The following NLGN1 variants were observed in gnomAD, a reference collection of about 807,000 sequenced individuals.
NLGN1 encodes neuroligin-1.
In NLGN1, 12 loss-of-function variants were observed where a neutral mutation model predicts 65.5. That is an observed-to-expected ratio of 0.18 (90% CI 0.12 to 0.30). NLGN1 has a LOEUF of 0.30. NLGN1 is among the 10% of genes least tolerant of loss of function. The probability of loss-of-function intolerance (pLI) is 1.00; values close to 1 mark genes in which losing one functional copy is unlikely to be tolerated. For missense variants in NLGN1, 750 were observed against 1,007.1 expected (o/e 0.74, Z 3.46); for synonymous variants, 350 against 359.5 (o/e 0.97, Z 0.30).
intron 2 of NLGN1, among the ~76,000 whole-genome samples, chr3:173,527,333 A>G (rs1735814161): frequency 1.3e-5 from 2 of 152,218 alleles, no homozygotes; most frequent in Admixed American, 6.5e-5. Flanking sequence ...ACCTTTAAAT[A>G]TAATTGTTTG....
chr3:173,623,150 G>A (rs1181575898), intron 3 of NLGN1, among the ~76,000 whole-genome samples: 2 of 152,008 alleles, frequency 1.3e-5, no homozygotes, highest in Non-Finnish European at 2.9e-5. Flanking sequence ...CCTCTAAAAT[G>A]GCCTCTACAT....
intron 4 of NLGN1, among the ~76,000 whole-genome samples, chr3:174,222,671 C>G (rs1009242919): frequency 1.3e-5 from 2 of 152,066 alleles, no homozygotes; most frequent in Non-Finnish European, 2.9e-5. Flanking sequence ...AAATAAGATT[C>G]CTGTTTGGGC....
chr3:174,184,547 AAT>A (rs1391114434), intron 4 of NLGN1, among the ~76,000 whole-genome samples: 1 of 152,178 alleles, frequency 6.6e-6, no homozygotes, highest in Non-Finnish European at 1.5e-5. Flanking sequence ...TTATAAGTTC[AAT>A]ATGTGTTGAA....
rs188053382 is a variant in NLGN1, at chr3:174,236,079, A to G, written c.647-39236A>G. 1.5e-3 allele frequency among the ~76,000 whole-genome samples: 229 copies of G among 152,256 alleles called. 2 individuals are homozygous for G. The highest frequency in any genetic ancestry group is 3.1e-4 in the Non-Finnish European group (21 of 67,984). On this transcript the variant is annotated intron_variant, in intron 4 of 6. Transcript: ENST00000457714. ...TGTGCTGGCACAGAGTGGGTCCTCA[A>G]TAAATATCAATAAGTCGTGATCAAA...
chr3:174,134,370 A>G (rs934562041), intron 4 of NLGN1, among the ~76,000 whole-genome samples: 6 of 152,184 alleles, frequency 3.9e-5, no homozygotes, highest in Non-Finnish European at 8.8e-5. Context: ...TTGGTTATCA[A>G]TTCAACACTT....
intron 4 of NLGN1, among the ~76,000 whole-genome samples, chr3:174,105,424 C>T (rs954731776): frequency 2.0e-5 from 3 of 151,978 alleles, no homozygotes; most frequent in African/African-American, 7.2e-5. Context: ...CATATCCCAA[C>T]TACTCAGATG....
At position 174,088,049 on chromosome 3, in the gene NLGN1, G is replaced by A. The variant is rs1475655327; in HGVS notation, c.647-187266G>A. On this transcript the variant is annotated intron_variant, in intron 4 of 6. Transcript: ENST00000457714. ...GCTATTATATATGTGTATGTATAGC[G>A]TATATATGCTAATATTACATTTTGT... 3.3e-5 allele frequency among the ~76,000 whole-genome samples: 5 copies of A among 152,092 alleles called. No homozygotes were observed. In the South Asian group the frequency reaches 6.2e-4, roughly 19 times the overall value.
chr3:174,205,134 C>T (rs1164568771), intron 4 of NLGN1, among the ~76,000 whole-genome samples: 1 of 152,028 alleles, frequency 6.6e-6, no homozygotes, highest in Non-Finnish European at 1.5e-5. Flanking sequence ...ATATGTTCAA[C>T]TAATATCTTA....
intron 4 of NLGN1, among the ~76,000 whole-genome samples, chr3:174,151,591 T>A (rs1423256356): frequency 6.6e-6 from 1 of 152,130 alleles, no homozygotes; most frequent in East Asian, 1.9e-4. Flanking sequence ...TTTCTATGAA[T>A]CTCTAGAATG....
chr3:173,611,262 G>C (rs891706265), intron 3 of NLGN1, among the ~76,000 whole-genome samples: 1 of 151,996 alleles, frequency 6.6e-6, no homozygotes, highest in Non-Finnish European at 1.5e-5. Flanking sequence ...CAACAGCCTC[G>C]TGAGGTTCTC....
intron 4 of NLGN1, among the ~76,000 whole-genome samples, chr3:173,837,611 C>T (rs1162760870): frequency 6.6e-6 from 1 of 152,102 alleles, no homozygotes; most frequent in Non-Finnish European, 1.5e-5. Flanking sequence ...AAAATAAAAC[C>T]AGGGAACTGA....
intron 3 of NLGN1, among the ~76,000 whole-genome samples, chr3:173,626,968 C>A (rs762330723): frequency 6.6e-6 from 1 of 152,130 alleles, no homozygotes; most frequent in East Asian, 1.9e-4. Flanking sequence ...AAGGAAGTGA[C>A]TTTCAAGTCA....
chr3:173,469,364 T>C (rs1724932598), intron 2 of NLGN1, among the ~76,000 whole-genome samples: 1 of 152,102 alleles, frequency 6.6e-6, no homozygotes, highest in Non-Finnish European at 1.5e-5. Flanking sequence ...TCCCAGATTG[T>C]TAATTAGTTC....
intron 4 of NLGN1, among the ~76,000 whole-genome samples, chr3:174,073,364 C>T (rs997376809): frequency 4.6e-5 from 7 of 151,856 alleles, no homozygotes; most frequent in Admixed American, 1.3e-4. Flanking sequence ...AACTTTTGAA[C>T]AATAAAATTT....
chr3:173,527,252 TCTAA>T (rs1735799607), intron 2 of NLGN1, among the ~76,000 whole-genome samples: 1 of 152,336 alleles, frequency 6.6e-6, no homozygotes, highest in South Asian at 2.1e-4. Flanking sequence ...TAAAAGCCAC[TCTAA>T]CTGAGGTGAA....
intron 4 of NLGN1, among the ~76,000 whole-genome samples, chr3:174,153,996 G>A (rs1211638939): frequency 2.0e-5 from 3 of 152,032 alleles, no homozygotes; most frequent in Non-Finnish European, 4.4e-5. Context: ...ATTCACAAAA[G>A]AGTGAACCAC....
At chr3:173,923,027 T>C (rs1451414182) in intron 4 of NLGN1, among the ~76,000 whole-genome samples, 1 of 152,142 alleles carries the variant, frequency 6.6e-6, no homozygotes, top group East Asian at 1.9e-4. Flanking sequence ...ATCGTCATTA[T>C]TGTAACTTCA....
chr3:173,762,998 A>G (rs192036313), intron 3 of NLGN1, among the ~76,000 whole-genome samples: 179 of 151,796 alleles, frequency 1.2e-3, no homozygotes, highest in African/African-American at 4.1e-3. Context: ...ACACACACAC[A>G]CAGAATCTTT....
intron 2 of NLGN1, among the ~76,000 whole-genome samples, chr3:173,518,398 G>A (rs955611698): frequency 2.7e-5 from 4 of 150,906 alleles, no homozygotes; most frequent in Non-Finnish European, 4.4e-5. Flanking sequence ...ATATTTATAT[G>A]TATATACATA....
Sources: gnomAD v4.1 joint callset for allele counts (sites outside exome capture counted in the v4.1 genomes callset) on GRCh38, gnomAD v4.1.1 for gene constraint, MANE v1.5 for transcripts, NCBI Gene and HGNC (gene_info 2026-07-23, HGNC 2026-07-21) for gene names.